The following LRRTM4 variants were observed in gnomAD, a reference collection of about 807,000 sequenced individuals.
LRRTM4 encodes the protein leucine-rich repeat transmembrane neuronal protein 4.
Under a neutral mutation model 47.6 loss-of-function variants are expected in LRRTM4, and 25 were observed. That is an observed-to-expected ratio of 0.53 (90% CI 0.38 to 0.73). The LOEUF (loss-of-function observed/expected upper bound fraction) is 0.73. LRRTM4 is among the 30% of genes least tolerant of loss of function. The probability of loss-of-function intolerance (pLI) is 0.00; values close to 1 mark genes in which losing one functional copy is unlikely to be tolerated. For synonymous variants in LRRTM4, 311 were observed against 269.5 expected, an observed-to-expected ratio of 1.15 and a Z score of -1.51; for missense variants, 638 against 713.4, an observed-to-expected ratio of 0.89 and a Z score of 1.20.
chr2:77,487,384 G>A (rs969341197), intron 3 of LRRTM4, among the ~76,000 whole-genome samples: 2 of 152,202 alleles, frequency 1.3e-5, no homozygotes, highest in African/African-American at 4.8e-5. Context: ...AGTTGTGGCC[G>A]ACTGGGCACT....
rs551394633 is a variant in LRRTM4 at position 77,467,226 on chromosome 2, G to A, written c.1551+51092C>T. 2.0e-5 allele frequency among the ~76,000 whole-genome samples: 3 copies of A among 151,900 alleles called. No individual in the cohort carries two copies. The South Asian group carries it at 6.2e-4, about 32-fold the overall frequency. On this transcript the variant is annotated intron_variant, in intron 3 of 3. Transcript: ENST00000409884. ...CTGACTCTTTTCCCCCTCCCACTTG[G>A]GCCTGGTGATCAGCACAGTGTTCCT... is the stretch of plus-strand genomic sequence containing the variant.
chr2:76,893,222 T>C (rs963157613), intron 3 of LRRTM4, among the ~76,000 whole-genome samples: 1 of 151,652 alleles, frequency 6.6e-6, no homozygotes, highest in Non-Finnish European at 1.5e-5. Context: ...ATGCTCACAC[T>C]TGATCTTTAA....
At chr2:77,245,462 A>G (rs1675415014) in intron 3 of LRRTM4, among the ~76,000 whole-genome samples, 1 of 151,244 alleles carries the variant, frequency 6.6e-6, no homozygotes, top group Non-Finnish European at 1.5e-5. Flanking sequence ...AGGCTGCAGT[A>G]AGCAGTGATA....
intron 3 of LRRTM4, among the ~76,000 whole-genome samples, chr2:76,789,390 G>C (rs2103704359): frequency 6.6e-6 from 1 of 152,220 alleles, no homozygotes; most frequent in South Asian, 2.1e-4. Context: ...CTGCTCTAGT[G>C]ACCTCTCTCT....
At chr2:77,494,374 G>C (rs995097010) in intron 3 of LRRTM4, among the ~76,000 whole-genome samples, 3 of 152,012 alleles carry the variant, frequency 2.0e-5, no homozygotes, top group Non-Finnish European at 1.5e-5. Context: ...GTGATGTTGC[G>C]CATTGCTGTC....
At chr2:77,319,674 T>G (rs1677730165) in intron 3 of LRRTM4, among the ~76,000 whole-genome samples, 1 of 152,216 alleles carries the variant, frequency 6.6e-6, no homozygotes, top group South Asian at 2.1e-4. Context: ...TTACACAATT[T>G]CTCAAATAGG....
intron 3 of LRRTM4, among the ~76,000 whole-genome samples, chr2:76,934,335 A>G (rs1674870038): frequency 2.0e-5 from 3 of 152,204 alleles, no homozygotes; most frequent in African/African-American, 4.8e-5. Flanking sequence ...GTGTTAAAGG[A>G]TGTTAAAAAT....
chr2:77,004,095 G>T (rs889716194), intron 3 of LRRTM4, among the ~76,000 whole-genome samples: 1 of 152,170 alleles, frequency 6.6e-6, no homozygotes, highest in African/African-American at 2.4e-5. Flanking sequence ...AGGAAGTAGA[G>T]CATAAAAGTT....
intron 3 of LRRTM4, among the ~76,000 whole-genome samples, chr2:77,303,341 A>T (rs978631230): frequency 6.6e-6 from 1 of 152,214 alleles, no homozygotes; most frequent in African/African-American, 2.4e-5. Context: ...GTTGATTAGT[A>T]TGTACTTAAA....
chr2:76,821,997 T>C (rs931198435), intron 3 of LRRTM4, among the ~76,000 whole-genome samples: 4 of 151,484 alleles, frequency 2.6e-5, no homozygotes, highest in African/African-American at 7.3e-5. Flanking sequence ...TTTTGGAAAA[T>C]AGTGGAACTG....
chr2:76,872,379 A>G (rs150013176), intron 3 of LRRTM4, among the ~76,000 whole-genome samples: 67 of 152,166 alleles, frequency 4.4e-4, no homozygotes, highest in African/African-American at 1.5e-3. Flanking sequence ...GTTTGCACGC[A>G]ATGTAATGGT....
intron 3 of LRRTM4, among the ~76,000 whole-genome samples, chr2:77,348,099 C>T (rs1039726046): frequency 5.3e-4 from 80 of 151,812 alleles, no homozygotes; most frequent in African/African-American, 1.9e-3. Flanking sequence ...AGGTAGGCCT[C>T]TTTCATATAC....
At chr2:77,072,800 CAAAAAAAAAAA>C (rs373786120) in intron 3 of LRRTM4, among the ~76,000 whole-genome samples, 3 of 78,744 alleles carry the variant, frequency 3.8e-5, no homozygotes, top group African/African-American at 1.0e-4. Context: ...CTCCGTCTTC[CAAAAAAAAAAA>C]AAAAAAAAAA....
At chr2:77,069,545 G>C (rs550331114) in intron 3 of LRRTM4, among the ~76,000 whole-genome samples, 11 of 152,026 alleles carry the variant, frequency 7.2e-5, no homozygotes, top group African/African-American at 2.2e-4. Flanking sequence ...TAATTTTGTA[G>C]AACTAATTCA....
At chr2:77,015,072 T>A (rs1678011322) in intron 3 of LRRTM4, among the ~76,000 whole-genome samples, 2 of 152,078 alleles carry the variant, frequency 1.3e-5, no homozygotes, top group African/African-American at 2.4e-5. Context: ...AGGATGAGTC[T>A]GATTAGATCA....
intron 3 of LRRTM4, among the ~76,000 whole-genome samples, chr2:76,900,833 T>G (rs191015649): frequency 4.3e-4 from 65 of 152,280 alleles, no homozygotes; most frequent in Non-Finnish European, 6.6e-4. Context: ...GTAAAAACAG[T>G]GCAATTCTGA....
At chr2:76,832,480 C>G (rs1011533103) in intron 3 of LRRTM4, among the ~76,000 whole-genome samples, 13 of 66,982 alleles carry the variant, frequency 1.9e-4, no homozygotes, top group South Asian at 5.1e-4. Context: ...TTTTTTTTGT[C>G]TACACTGCTT....
chr2:77,047,520 A>C lies in LRRTM4; in HGVS notation c.1552-298604T>G, dbSNP rs545138009. Among the ~76,000 whole-genome samples, 5 of 152,086 alleles carry C rather than the reference A, an allele frequency of 3.3e-5. No homozygotes were observed. In the South Asian group the frequency reaches 1.0e-3, roughly 32 times the overall value. ...CACTTCCGGTGGTTTGCTAGCTAGC[A>C]ATCTTTGGCATTCATCAGGTTATAT... On this transcript the variant is annotated intron_variant, in intron 3 of 3. Coordinates refer to ENST00000409884, the MANE Select transcript of LRRTM4 (RefSeq NM_001134745.3).
intron 3 of LRRTM4, among the ~76,000 whole-genome samples, chr2:77,316,934 T>C (rs940904839): frequency 6.6e-6 from 1 of 152,220 alleles, no homozygotes; most frequent in Non-Finnish European, 1.5e-5. Flanking sequence ...AGATAAGAAA[T>C]AGTTGAACAT....
Sources: allele counts gnomAD v4.1 joint callset (sites outside exome capture counted in the v4.1 genomes callset), GRCh38; gene constraint gnomAD v4.1.1; transcripts MANE v1.5; gene names NCBI Gene and HGNC (gene_info 2026-07-23, HGNC 2026-07-21).